The following KLHL22 variants were observed in gnomAD, a reference collection of about 807,000 sequenced individuals.
KLHL22 encodes kelch like family member 22.
KLHL22 carries 18 observed loss-of-function variants against 60.7 expected under a neutral mutation model. That is an observed-to-expected ratio of 0.30 (90% CI 0.20 to 0.44). The LOEUF (loss-of-function observed/expected upper bound fraction) is 0.44. Ranked by LOEUF, KLHL22 falls within the 20% of genes least tolerant of loss-of-function variation. KLHL22 has a pLI of 1.00. For missense variants in KLHL22, 596 were observed against 852.3 expected, an observed-to-expected ratio of 0.70 and a Z score of 3.74; for synonymous variants, 355 against 354.5, an observed-to-expected ratio of 1.00 and a Z score of -0.01.
chr22:20,446,897 A>G (rs1157292376), intron 5 of KLHL22, among the ~76,000 whole-genome samples: 1 of 152,178 alleles, frequency 6.6e-6, no homozygotes, highest in Non-Finnish European at 1.5e-5. Flanking sequence ...ACATCTATAG[A>G]CTCAGAAATG....
chr22:20,451,467 A>T, intron 5 of KLHL22: 1 of 1,601,040 alleles, frequency 6.2e-7, no homozygotes, highest in Non-Finnish European at 8.6e-7. Flanking sequence ...ACCCTCATAC[A>T]GGACACTGGA....
At chr22:20,470,719 CATGGATGGATGG>C (rs566014622) in intron 3 of KLHL22, among the ~76,000 whole-genome samples, 98 of 143,600 alleles carry the variant, frequency 6.8e-4, no homozygotes, top group African/African-American at 2.4e-3. Context: ...TGGATGCATG[CATGGATGGATGG>C]ATGGATGGAT....
intron 4 of KLHL22, 139 bp from the exon 5 acceptor site, chr22:20,458,139 C>G (rs1309929163): frequency 1.4e-5 from 12 of 833,902 alleles, no homozygotes; most frequent in Admixed American, 2.5e-5. Flanking sequence ...CATACCAGTG[C>G]ACACCGATCT....
intron 5 of KLHL22, chr22:20,451,249 G>A: frequency 1.2e-6 from 2 of 1,604,120 alleles, no homozygotes; most frequent in Non-Finnish European, 1.7e-6. Flanking sequence ...CACCACCCTG[G>A]GAGATTTGAT....
chr22:20,472,109 T>A (rs1057372782), intron 2 of KLHL22, among the ~76,000 whole-genome samples: 2 of 151,698 alleles, frequency 1.3e-5, no homozygotes, highest in Admixed American at 1.3e-4. Flanking sequence ...TAGCCGGGCA[T>A]GATGTTGTGC....
intron 1 of KLHL22, among the ~76,000 whole-genome samples, chr22:20,494,083 C>CG (rs913286418): frequency 6.8e-6 from 1 of 146,164 alleles, no homozygotes; most frequent in Non-Finnish European, 1.5e-5. Context: ...TGCCCCCCCC[C>CG]CAAAAAAAAA....
intron 2 of KLHL22, chr22:20,475,347 A>T (rs1206515520): frequency 1.3e-5 from 2 of 152,164 alleles, no homozygotes; most frequent in African/African-American, 4.8e-5. Flanking sequence ...TTTACCATTT[A>T]CTTGCCTCTG....
chr22:20,482,140 T>A (rs555368780), intron 2 of KLHL22: 1 of 151,996 alleles, frequency 6.6e-6, no homozygotes, highest in African/African-American at 2.4e-5. Context: ...AACCCAGAAC[T>A]TCTGGGCTCA....
At chr22:20,446,778 C>T in intron 5 of KLHL22, 102 bp from the exon 6 acceptor site, 1 of 829,216 alleles carries the variant, frequency 1.2e-6, no homozygotes, top group Non-Finnish European at 2.0e-6. Context: ...CCTGACAACG[C>T]TGTGAGGCTT....
chr22:20,447,679 A>C (rs2052894925), intron 5 of KLHL22, among the ~76,000 whole-genome samples: 1 of 150,164 alleles, frequency 6.7e-6, no homozygotes, highest in African/African-American at 2.5e-5. Context: ...AGTAGCTGGG[A>C]TTATAGGCGC....
At chr22:20,443,365 G>C (rs2052796256) in intron 6 of KLHL22, among the ~76,000 whole-genome samples, 2 of 143,110 alleles carry the variant, frequency 1.4e-5, no homozygotes, top group Admixed American at 7.2e-5. Context: ...AAAAAAAAAA[G>C]GATTAAGGGT....
At position 20,472,319 on chromosome 22, in the gene KLHL22, G is replaced by A. The variant is rs570143548; in HGVS notation, c.228-804C>T. Among the ~76,000 whole-genome samples, 15 of 152,232 alleles carry A rather than the reference G, an allele frequency of 9.9e-5. No homozygotes were observed. In the South Asian group the frequency reaches 2.3e-3, roughly 23 times the overall value. On this transcript the variant is annotated intron_variant, in intron 2 of 6. Transcript: ENST00000328879. ...GTAAACTGGTAAAATAGCTGGGCGC[G>A]GTGGCTCACGCCTCTAATCCCAACC...
At chr22:20,442,600 G>C (rs2052779658) in intron 6 of KLHL22, among the ~76,000 whole-genome samples, 162 bp from the exon 7 acceptor site, 1 of 152,242 alleles carries the variant, frequency 6.6e-6, no homozygotes, top group Non-Finnish European at 1.5e-5. Context: ...TCCTGTCCAT[G>C]GGCCAGGCTG....
intron 5 of KLHL22, chr22:20,451,119 T>C (rs2052970242): frequency 6.7e-7 from 1 of 1,498,946 alleles, no homozygotes; most frequent in Non-Finnish European, 9.3e-7. Context: ...TCTACGTCAT[T>C]GGTGGCTGTG....
chr22:20,475,919 G>A (rs1338637227), intron 2 of KLHL22, among the ~76,000 whole-genome samples: 4 of 152,096 alleles, frequency 2.6e-5, no homozygotes, highest in Admixed American at 1.3e-4. Flanking sequence ...GTCTCCTTTC[G>A]TTACTTTTGT....
At chr22:20,484,613 G>C (rs1007063023) in intron 2 of KLHL22, among the ~76,000 whole-genome samples, 1 of 151,858 alleles carries the variant, frequency 6.6e-6, no homozygotes, top group Non-Finnish European at 1.5e-5. Context: ...TGTATTTTTT[G>C]TAAACATGGG....
rs1315933881 is a variant in KLHL22 at position 20,476,733 on chromosome 22, A to G, written c.228-5218T>C. Among the ~76,000 whole-genome samples the G allele has an allele frequency of 2.8e-5, 3 of 106,984 alleles. No homozygotes were observed. The Admixed American group carries it at 3.2e-4, about 11-fold the overall frequency. The allele number at this position is 106,984 out of a possible 152,430, so 70.2% of individuals were successfully genotyped here. A position where few individuals can be genotyped will look rare whatever the true frequency, so the allele number is the denominator to read the frequency against. ...CGGCCTTTTTTTTTTTTTGTGACAG[A>G]GTCTCGCTCTTGTTGCCCAGGCTGG... is the stretch of plus-strand genomic sequence containing the variant. On this transcript the variant is annotated intron_variant, in intron 2 of 6. Transcript: ENST00000328879.
chr22:20,451,204 GC>G (rs2052972118), intron 5 of KLHL22: 1 of 1,597,908 alleles, frequency 6.3e-7, no homozygotes, highest in South Asian at 1.1e-5. Flanking sequence ...GTATTCTGTG[GC>G]CCCTATGAAT....
intron 4 of KLHL22, among the ~76,000 whole-genome samples, chr22:20,463,374 A>G (rs2053184229): frequency 6.6e-6 from 1 of 152,214 alleles, no homozygotes; most frequent in Non-Finnish European, 1.5e-5. Flanking sequence ...TGAAAGTGAG[A>G]TCAATGGCCC....
Sources: gnomAD v4.1 joint callset for allele counts (sites outside exome capture counted in the v4.1 genomes callset) on GRCh38, gnomAD v4.1.1 for gene constraint, MANE v1.5 for transcripts, NCBI Gene and HGNC (gene_info 2026-07-23, HGNC 2026-07-21) for gene names.